The following RAB22A variants were observed in gnomAD, a reference collection of about 807,000 sequenced individuals.
RAB22A encodes RAB22A, member RAS oncogene family.
A neutral mutation model predicts 30.2 loss-of-function variants in RAB22A; 13 were observed. The observed-to-expected ratio is 0.43, with a 90% CI of 0.28 to 0.68. RAB22A has a LOEUF of 0.68. Among genes scored for constraint, RAB22A ranks in the 30% least tolerant of loss-of-function variants. The pLI is 0.18. For synonymous variants in RAB22A, 89 were observed against 87.2 expected, an observed-to-expected ratio of 1.02 and a Z score of -0.11; for missense variants, 177 against 246.8, an observed-to-expected ratio of 0.72 and a Z score of 1.89.
chr20:58,354,415 C>T, intron 6 of RAB22A, 150 bp downstream of exon 6: 1 of 565,540 alleles, frequency 1.8e-6, no homozygotes, highest in Non-Finnish European at 3.1e-6. Context: ...AGAGTAATGT[C>T]CAGTTTTCAT....
rs79509730 is a variant in RAB22A, at chr20:58,357,846, T to C, written c.488-1760T>C. The stretch of plus-strand genomic sequence containing the variant: ...CTCAAAGTGGTGGAGGCTCAAGGCT[T>C]GAGAGAACCTGAGTCAGCGGAGAGG... On this transcript the variant is annotated intron_variant, in intron 6 of 6. Transcript: ENST00000244040. Among the ~76,000 whole-genome samples the C allele has an allele frequency of 6.3e-3, 963 of 152,312 alleles. 7 individuals are homozygous for C. The highest frequency in any genetic ancestry group is 0.012 in the Non-Finnish European group (805 of 68,028).
rs1987256280 is a variant in RAB22A at position 58,363,140 on chromosome 20, T to G, written c.*3437T>G. 6.6e-6 allele frequency: 1 copy of G among 152,214 alleles called. No homozygotes were observed. The highest frequency in any genetic ancestry group is 1.5e-5 in the Non-Finnish European group (1 of 68,038). 9.4% of individuals were successfully genotyped at this position (152,214 alleles called of 1,614,324 possible). A position where few individuals can be genotyped will look rare whatever the true frequency, so the allele number is the denominator to read the frequency against. The stretch of plus-strand genomic sequence containing the variant: ...ATGTCAGTATTTTTAGGGCATTGTG[T>G]TAAAATAAGCAGTTTAGATTCCGAC... On this transcript the variant is annotated 3_prime_UTR_variant, in exon 7 of 7. Transcript: ENST00000244040.
At chr20:58,316,322 C>T (rs1474544122) in intron 2 of RAB22A, among the ~76,000 whole-genome samples, 1 of 152,104 alleles carries the variant, frequency 6.6e-6, no homozygotes, top group African/African-American at 2.4e-5. Context: ...CGGTCTCCTT[C>T]GGCCTTGTCA....
At chr20:58,333,668 A>C (rs115508279) in intron 2 of RAB22A, among the ~76,000 whole-genome samples, 1 of 152,324 alleles carries the variant, frequency 6.6e-6, no homozygotes, top group African/African-American at 2.4e-5. Context: ...TTGGAAGTAG[A>C]TTGAAATTTA....
intron 3 of RAB22A, 148 bp from the exon 4 acceptor site, chr20:58,353,125 C>T (rs1431614595): frequency 7.2e-6 from 5 of 694,652 alleles, no homozygotes; most frequent in Non-Finnish European, 1.2e-5. Flanking sequence ...TTGGTAATTA[C>T]TGGTTCATTT....
At chr20:58,351,335 C>CAA (rs562839081) in intron 3 of RAB22A, among the ~76,000 whole-genome samples, 2 of 97,702 alleles carry the variant, frequency 2.0e-5, no homozygotes, top group Admixed American at 1.1e-4. Context: ...GACTCTGTCT[C>CAA]AAAAAAAAAA....
At chr20:58,330,966 A>G (rs1400845964) in intron 2 of RAB22A, among the ~76,000 whole-genome samples, 1 of 152,110 alleles carries the variant, frequency 6.6e-6, no homozygotes, top group Non-Finnish European at 1.5e-5. Flanking sequence ...CTTTTCTAGA[A>G]CATCCCCTCT....
rs1280497374 is a variant in RAB22A, at chr20:58,366,554, A to G, written c.*6851A>G. The G allele has an allele frequency of 6.6e-6, 1 of 152,176 alleles. No individual in the cohort carries two copies. Among genetic ancestry groups the G allele is most frequent in the Non-Finnish European group, 1.5e-5 (1 of 68,024 alleles). 9.4% of individuals were successfully genotyped at this position (152,176 alleles called of 1,614,324 possible). A position where few individuals can be genotyped will look rare whatever the true frequency, so the allele number is the denominator to read the frequency against. On this transcript the variant is annotated 3_prime_UTR_variant, in exon 7 of 7. Coordinates refer to ENST00000244040, the MANE Select transcript of RAB22A (RefSeq NM_020673.3). ...ATTCAGTCCATTACACATTCGATAC[A>G]GGTATCAAAATATCATAGGCACCTC...
At chr20:58,312,640 C>G (rs1452264085) in intron 2 of RAB22A, among the ~76,000 whole-genome samples, 1 of 151,798 alleles carries the variant, frequency 6.6e-6, no homozygotes, top group African/African-American at 2.4e-5. Context: ...AGGCACCCAC[C>G]ACCATGCCTG....
At chr20:58,327,047 C>A (rs946658492) in intron 2 of RAB22A, among the ~76,000 whole-genome samples, 4 of 152,154 alleles carry the variant, frequency 2.6e-5, no homozygotes, top group African/African-American at 9.7e-5. Flanking sequence ...TCGCTTATAC[C>A]TGTAATCCTA....
chr20:58,339,863 T>TA lies in RAB22A; in HGVS notation c.117-3854dup, dbSNP rs562562760. On this transcript the variant is annotated intron_variant, in intron 2 of 6. Coordinates refer to ENST00000244040, the MANE Select transcript of RAB22A (RefSeq NM_020673.3). ...TTCTCAACAGGTGAAGACCTGACCG[T>TA]AGGAAGGAATCCATTGTTGAGTCCT... Among the ~76,000 whole-genome samples the TA allele has an allele frequency of 8.3e-4, 126 of 152,262 alleles. 1 individual carries two copies. The highest frequency in any genetic ancestry group is 3.4e-3 in the Middle Eastern group (1 of 294).
intron 3 of RAB22A, among the ~76,000 whole-genome samples, chr20:58,347,557 A>G (rs997072217): frequency 3.3e-5 from 5 of 152,236 alleles, no homozygotes; most frequent in African/African-American, 9.6e-5. Context: ...TTGTGCTAGT[A>G]TGTAGTTTTA....
At chr20:58,343,883 G>C in intron 3 of RAB22A, 84 bp downstream of exon 3, 1 of 1,076,482 alleles carries the variant, frequency 9.3e-7, no homozygotes, top group Non-Finnish European at 1.4e-6. Context: ...GTCATCTCAC[G>C]TTACTCACTT....
chr20:58,327,124 C>A (rs891251244), intron 2 of RAB22A, among the ~76,000 whole-genome samples: 1 of 152,072 alleles, frequency 6.6e-6, no homozygotes, highest in Non-Finnish European at 1.5e-5. Context: ...GAGACCCTGT[C>A]TCCAAAAAAA....
chr20:58,359,651 A>G lies in RAB22A; in HGVS notation c.533A>G (p.Lys178Arg), dbSNP rs1049571626. 6.2e-7 allele frequency: 1 copy of G among 1,613,252 alleles called. No homozygotes were observed. The change falls in exon 7 of 7, where the codon AAG becomes AGG. Residue 178 changes from lysine to arginine, a missense_variant. Physicochemically the swap from Lys to Arg is conservative, Grantham distance 26. Transcript: ENST00000244040. ...STDANLPSGG[K>R]GFKLRRQPSE... Reference sequence around the variant, plus strand: ...GACGCCAACCTGCCATCTGGCGGTAAGGGCTTCAAACTCCGAAGACAGCCT... The same window carrying G: ...GACGCCAACCTGCCATCTGGCGGTAGGGGCTTCAAACTCCGAAGACAGCCT...
rs1016692700 is a variant in RAB22A, at chr20:58,309,769, C to G, written c.-208C>G. ...GGCGGCGGCGGCTCCCGGAAGGCCG[C>G]GGCGGCGTCCCGGCTGCTAAGGCGG... On this transcript the variant is annotated 5_prime_UTR_variant, in exon 1 of 7. Coordinates refer to ENST00000244040, the MANE Select transcript of RAB22A (RefSeq NM_020673.3). The G allele has an allele frequency of 2.7e-5, 9 of 333,508 alleles. No homozygotes were observed. Among genetic ancestry groups the G allele is most frequent in the African/African-American group, 1.1e-4 (5 of 45,670 alleles). The allele number at this position is 333,508 out of a possible 1,614,324, so 20.7% of individuals were successfully genotyped here.
rs577521258 is a variant in RAB22A, at chr20:58,363,134, A to T, written c.*3431A>T. The T allele has an allele frequency of 6.6e-6, 1 of 152,306 alleles. No homozygotes were observed. The highest frequency in any genetic ancestry group is 2.4e-5 in the African/African-American group (1 of 41,570). The allele number at this position is 152,306 out of a possible 1,614,324, so 9.4% of individuals were successfully genotyped here. A position where few individuals can be genotyped will look rare whatever the true frequency, so the allele number is the denominator to read the frequency against. On this transcript the variant is annotated 3_prime_UTR_variant, in exon 7 of 7. Coordinates refer to ENST00000244040, the MANE Select transcript of RAB22A (RefSeq NM_020673.3). ...ACCAAAATGTCAGTATTTTTAGGGC[A>T]TTGTGTTAAAATAAGCAGTTTAGAT...
At chr20:58,357,045 A>G (rs1307027274) in intron 6 of RAB22A, among the ~76,000 whole-genome samples, 1 of 152,230 alleles carries the variant, frequency 6.6e-6, no homozygotes, top group Non-Finnish European at 1.5e-5. Context: ...CCCACAAGAA[A>G]AAATGCTTGT....
At position 58,367,363 on chromosome 20, in the gene RAB22A, G is replaced by C. The variant is rs1402850787; in HGVS notation, c.*7660G>C. ...CATAGTAGATAGTTTGCAAATGAAA[G>C]TTGATTTGCCATACTTTTAAATAAT... is the stretch of plus-strand genomic sequence containing the variant. On this transcript the variant is annotated 3_prime_UTR_variant, in exon 7 of 7. Coordinates refer to ENST00000244040, the MANE Select transcript of RAB22A (RefSeq NM_020673.3). 1 of 152,512 alleles carries C rather than the reference G, an allele frequency of 6.6e-6. No individual in the cohort carries two copies. The highest frequency in any genetic ancestry group is 6.5e-5 in the Admixed American group (1 of 15,278). 9.4% of individuals were successfully genotyped at this position (152,512 alleles called of 1,614,324 possible).
Sources: allele counts gnomAD v4.1 joint callset (sites outside exome capture counted in the v4.1 genomes callset), GRCh38; gene constraint gnomAD v4.1.1; transcripts MANE v1.5; gene names NCBI Gene and HGNC (gene_info 2026-07-23, HGNC 2026-07-21).